Variants in GPC5 observed in about 807,000 individuals in gnomAD.
The protein encoded by GPC5 is glypican-5.
In GPC5, 47 loss-of-function variants were observed where a neutral mutation model predicts 53.9. That is an observed-to-expected ratio of 0.87 (90% CI 0.69 to 1.11). The LOEUF is 1.11. GPC5 is among the 50% of genes most tolerant of loss of function. GPC5 has a pLI of 0.00. For missense variants in GPC5, 748 were observed against 713.1 expected, an observed-to-expected ratio of 1.05 and a Z score of -0.56; for synonymous variants, 286 against 263.3, an observed-to-expected ratio of 1.09 and a Z score of -0.84.
chr13:92,621,497 C>G (rs1432607683), intron 7 of GPC5, among the ~76,000 whole-genome samples: 1 of 152,156 alleles, frequency 6.6e-6, no homozygotes, highest in Non-Finnish European at 1.5e-5. Context: ...GCCCAGACTT[C>G]TGGAGATACT....
intron 7 of GPC5, among the ~76,000 whole-genome samples, chr13:92,721,353 T>C (rs1009259130): frequency 6.6e-6 from 1 of 152,090 alleles, no homozygotes; most frequent in African/African-American, 2.4e-5. Flanking sequence ...GATTAAGGGA[T>C]GAGCGTATCC....
chr13:91,935,961 G>A (rs1166777881), intron 6 of GPC5, among the ~76,000 whole-genome samples: 5 of 151,972 alleles, frequency 3.3e-5, no homozygotes, highest in African/African-American at 9.7e-5. Context: ...AAGATGTAAT[G>A]TACCCAGGTA....
intron 7 of GPC5, among the ~76,000 whole-genome samples, chr13:92,815,892 T>G (rs1219942767): frequency 6.6e-6 from 1 of 151,962 alleles, no homozygotes; most frequent in African/African-American, 2.4e-5. Flanking sequence ...AAAACAGTTT[T>G]GGAGATGGAA....
chr13:92,005,944 A>G (rs1049898076), intron 6 of GPC5, among the ~76,000 whole-genome samples: 1 of 152,210 alleles, frequency 6.6e-6, no homozygotes, highest in Admixed American at 6.5e-5. Flanking sequence ...TGTATTCTCA[A>G]AGAAACTAGA....
intron 7 of GPC5, among the ~76,000 whole-genome samples, chr13:92,722,432 G>T (rs972943096): frequency 2.0e-5 from 3 of 151,622 alleles, no homozygotes; most frequent in Non-Finnish European, 4.4e-5. Context: ...GGAACCTATT[G>T]GCAGAAAAAG....
chr13:91,796,370 A>G (rs558916198), intron 5 of GPC5, among the ~76,000 whole-genome samples: 5 of 152,316 alleles, frequency 3.3e-5, no homozygotes, highest in African/African-American at 1.2e-4. Flanking sequence ...AATGACAGCA[A>G]TCAGCAGTGG....
At chr13:92,692,754 ATTTT>A (rs71272284) in intron 7 of GPC5, among the ~76,000 whole-genome samples, 3 of 81,034 alleles carry the variant, frequency 3.7e-5, no homozygotes, top group East Asian at 1.7e-3. Context: ...AATATCGGCT[ATTTT>A]TTTTTTTTTT....
At chr13:92,437,515 C>T (rs2139381420) in intron 7 of GPC5, among the ~76,000 whole-genome samples, 1 of 152,114 alleles carries the variant, frequency 6.6e-6, no homozygotes, top group South Asian at 2.1e-4. Flanking sequence ...AGTTGTACAT[C>T]AAAAAATAGA....
At chr13:92,258,721 A>C (rs1482794242) in intron 7 of GPC5, among the ~76,000 whole-genome samples, 1 of 152,198 alleles carries the variant, frequency 6.6e-6, no homozygotes, top group Non-Finnish European at 1.5e-5. Flanking sequence ...AGACACACAC[A>C]CTAACATAAA....
intron 7 of GPC5, among the ~76,000 whole-genome samples, chr13:92,592,574 A>G (rs1883749147): frequency 6.6e-6 from 1 of 151,368 alleles, no homozygotes; most frequent in African/African-American, 2.4e-5. Flanking sequence ...TAGAAAATAA[A>G]CAAATCTGTT....
At chr13:91,594,628 T>G (rs201584021) in intron 2 of GPC5, among the ~76,000 whole-genome samples, 1 of 7,976 alleles carries the variant, frequency 1.3e-4, no homozygotes, top group Admixed American at 7.4e-3. Flanking sequence ...TTTCTTTTTG[T>G]TTTTTTTTCC....
chr13:92,119,506 TCTC>T (rs1298371559), intron 6 of GPC5, among the ~76,000 whole-genome samples: 2 of 142,148 alleles, frequency 1.4e-5, no homozygotes, highest in Non-Finnish European at 3.0e-5. Flanking sequence ...TTCACACCAT[TCTC>T]CTGCCTCAGC....
At chr13:92,671,074 T>C (rs1228378405) in intron 7 of GPC5, among the ~76,000 whole-genome samples, 1 of 152,112 alleles carries the variant, frequency 6.6e-6, no homozygotes, top group Non-Finnish European at 1.5e-5. Context: ...GATCCTAAGA[T>C]GAAAGCAGTA....
chr13:92,094,278 A>G (rs1220366055), intron 6 of GPC5, among the ~76,000 whole-genome samples: 1 of 152,094 alleles, frequency 6.6e-6, no homozygotes, highest in Non-Finnish European at 1.5e-5. Context: ...GCACTTTGTG[A>G]GGCCGAGGTG....
chr13:92,388,532 C>A (rs1033634435), intron 7 of GPC5, among the ~76,000 whole-genome samples: 16 of 152,026 alleles, frequency 1.1e-4, no homozygotes, highest in Non-Finnish European at 2.2e-4. Flanking sequence ...CCAAAGACTA[C>A]CAGGAATATA....
chr13:91,903,360 A>G (rs1445848631), intron 5 of GPC5, among the ~76,000 whole-genome samples: 2 of 152,060 alleles, frequency 1.3e-5, no homozygotes, highest in African/African-American at 2.4e-5. Context: ...CTGAGCATTC[A>G]TGTATCTGTC....
rs574041763 is a variant in GPC5, at chr13:92,528,282, T to G, written c.1562-338000T>G. 2.8e-3 allele frequency among the ~76,000 whole-genome samples: 426 copies of G among 152,226 alleles called. 3 individuals carry two copies. The highest frequency in any genetic ancestry group is 9.6e-3 in the African/African-American group (398 of 41,570). ...CAGGAATTATTAACATTTGGCTGCA[T>G]TTTTATAAACTTTAAAAAAGAGGAT... On this transcript the variant is annotated intron_variant, in intron 7 of 7. Coordinates refer to ENST00000377067, the MANE Select transcript of GPC5 (RefSeq NM_004466.6).
intron 2 of GPC5, among the ~76,000 whole-genome samples, chr13:91,673,167 C>T (rs752291603): frequency 1.1e-4 from 17 of 152,014 alleles, no homozygotes; most frequent in Admixed American, 5.2e-4. Context: ...GTGTAACAAA[C>T]CTGCAGGTTC....
At chr13:91,815,443 T>C (rs755357537) in intron 5 of GPC5, among the ~76,000 whole-genome samples, 12 of 152,162 alleles carry the variant, frequency 7.9e-5, no homozygotes, top group Non-Finnish European at 1.6e-4. Context: ...CTCCCCTATT[T>C]TCCTTTCCTT....
Sources: allele counts gnomAD v4.1 joint callset (sites outside exome capture counted in the v4.1 genomes callset), GRCh38; gene constraint gnomAD v4.1.1; transcripts MANE v1.5; gene names NCBI Gene and HGNC (gene_info 2026-07-23, HGNC 2026-07-21).